ROR1: variants seen among roughly 807,000 people sequenced by gnomAD.
ROR1 encodes ROR family WNT receptor 1.
A neutral mutation model predicts 78.8 loss-of-function variants in ROR1; 19 were observed. The observed-to-expected ratio is 0.24, with a 90% confidence interval of 0.17 to 0.35. The LOEUF (loss-of-function observed/expected upper bound fraction) is 0.35, where lower values mean the gene tolerates loss of function less well. Ranked by LOEUF, ROR1 falls within the 10% of genes least tolerant of loss-of-function variation. The pLI is 1.00. For synonymous variants in ROR1, 386 were observed against 433.6 expected (o/e 0.89, Z 1.36); for missense variants, 917 against 1,177.8 (o/e 0.78, Z 3.24).
intron 7 of ROR1, among the ~76,000 whole-genome samples, chr1:64,158,067 C>T (rs544031749): frequency 6.6e-6 from 1 of 152,146 alleles, no homozygotes; most frequent in Non-Finnish European, 1.5e-5. Flanking sequence ...TCAAATAATT[C>T]ATTAATGACA....
intron 4 of ROR1, among the ~76,000 whole-genome samples, chr1:64,121,229 T>TCCTC (rs1248664974): frequency 1.2e-5 from 1 of 83,812 alleles, no homozygotes; most frequent in East Asian, 5.4e-4. Context: ...TTTCCTCCTT[T>TCCTC]CCTCCTTCCT....
chr1:63,924,476 G>GC (rs147221577), intron 1 of ROR1, among the ~76,000 whole-genome samples: 4,444 of 152,222 alleles, frequency 0.029, 228 homozygotes, highest in African/African-American at 0.1. Context: ...CCATGGACAG[G>GC]CCTGATGGGA....
At chr1:64,016,733 T>TTTTATATATATATATATATATATATATA (rs1553151714) in intron 2 of ROR1, among the ~76,000 whole-genome samples, 41 of 140,598 alleles carry the variant, frequency 2.9e-4, no homozygotes, top group African/African-American at 1.1e-3. Context: ...TAAAATATAA[T>TTTTATATATATATATATATATATATATA]TATATATATA....
intron 1 of ROR1, among the ~76,000 whole-genome samples, chr1:63,921,578 C>G (rs1645654782): frequency 6.6e-6 from 1 of 151,516 alleles, no homozygotes; most frequent in South Asian, 2.1e-4. Flanking sequence ...CCTTAAGGCC[C>G]AATGGCACGG....
intron 1 of ROR1, among the ~76,000 whole-genome samples, chr1:64,006,066 T>C (rs1426503274): frequency 1.3e-5 from 2 of 152,202 alleles, no homozygotes; most frequent in Non-Finnish European, 2.9e-5. Context: ...CATTTGTCAT[T>C]GGTCCCAAAT....
intron 1 of ROR1, among the ~76,000 whole-genome samples, chr1:64,007,419 C>T (rs1401261826): frequency 7.0e-6 from 1 of 142,924 alleles, no homozygotes; most frequent in Admixed American, 7.0e-5. Context: ...TAGACATAGC[C>T]TGAGGGGAGG....
intron 1 of ROR1, among the ~76,000 whole-genome samples, chr1:63,898,043 T>C (rs1021033241): frequency 1.3e-5 from 2 of 152,220 alleles, no homozygotes; most frequent in African/African-American, 4.8e-5. Context: ...TGTTGTCTGC[T>C]ACATTTAGAC....
At chr1:64,045,598 T>A (rs1646777450) in intron 2 of ROR1, among the ~76,000 whole-genome samples, 1 of 152,166 alleles carries the variant, frequency 6.6e-6, no homozygotes, top group African/African-American at 2.4e-5. Context: ...AAAATCTCAC[T>A]TCTACTTACT....
intron 1 of ROR1, among the ~76,000 whole-genome samples, chr1:63,814,496 T>C (rs1381706751): frequency 6.6e-6 from 1 of 152,050 alleles, no homozygotes; most frequent in Non-Finnish European, 1.5e-5. Flanking sequence ...ATTTCTGTTA[T>C]TATTATATTG....
intron 1 of ROR1, among the ~76,000 whole-genome samples, chr1:63,853,219 C>T (rs1019038313): frequency 3.3e-5 from 5 of 152,272 alleles, no homozygotes; most frequent in African/African-American, 1.2e-4. Flanking sequence ...TTTTTGAACT[C>T]CTGTGGTATG....
chr1:63,991,205 C>A (rs1161207280), intron 1 of ROR1, among the ~76,000 whole-genome samples: 1 of 152,090 alleles, frequency 6.6e-6, no homozygotes, highest in South Asian at 2.1e-4. Flanking sequence ...TCTGACTTGG[C>A]CTCCCAAAGT....
chr1:63,841,350 C>T (rs1297432990), intron 1 of ROR1, among the ~76,000 whole-genome samples: 1 of 152,192 alleles, frequency 6.6e-6, no homozygotes, highest in Non-Finnish European at 1.5e-5. Flanking sequence ...AGATCCCTTA[C>T]AGATTTCAGC....
chr1:63,888,079 C>T (rs1012300432), intron 1 of ROR1, among the ~76,000 whole-genome samples: 7 of 152,100 alleles, frequency 4.6e-5, no homozygotes, highest in African/African-American at 1.7e-4. Flanking sequence ...CTATGAGAGA[C>T]GGACTCTTGT....
At chr1:64,157,288 C>A (rs576159745) in intron 7 of ROR1, among the ~76,000 whole-genome samples, 1 of 152,068 alleles carries the variant, frequency 6.6e-6, no homozygotes, top group Non-Finnish European at 1.5e-5. Flanking sequence ...CAGACATGCA[C>A]CACCATGCCT....
intron 2 of ROR1, among the ~76,000 whole-genome samples, chr1:64,013,337 G>A (rs867137137): frequency 6.6e-6 from 1 of 152,090 alleles, no homozygotes; most frequent in Non-Finnish European, 1.5e-5. Context: ...TCATACAAGT[G>A]ACATACTTCT....
At chr1:63,925,105 T>C (rs1645690500) in intron 1 of ROR1, among the ~76,000 whole-genome samples, 1 of 150,718 alleles carries the variant, frequency 6.6e-6, no homozygotes, top group Non-Finnish European at 1.5e-5. Context: ...GCTGGTGCGC[T>C]GCACCCACTA....
intron 7 of ROR1, among the ~76,000 whole-genome samples, chr1:64,155,889 A>G (rs1649755682): frequency 6.6e-6 from 1 of 152,212 alleles, no homozygotes; most frequent in Non-Finnish European, 1.5e-5. Context: ...ATAACATCCA[A>G]CAACTGTATG....
intron 1 of ROR1, among the ~76,000 whole-genome samples, chr1:63,818,674 C>T (rs1037639622): frequency 6.6e-6 from 1 of 152,044 alleles, no homozygotes. Context: ...GGCATTTTTC[C>T]CCTCCCCTAG....
At chr1:64,126,697 G>A (rs11581071) in intron 4 of ROR1, among the ~76,000 whole-genome samples, 14,159 of 152,180 alleles carry the variant, frequency 0.093, 821 homozygotes, top group Non-Finnish European at 0.13. Context: ...TTTCCAGTCC[G>A]GTGACTTTTC....
Sources: allele counts gnomAD v4.1 joint callset (sites outside exome capture counted in the v4.1 genomes callset), GRCh38; gene constraint gnomAD v4.1.1; transcripts MANE v1.5; gene names NCBI Gene and HGNC (gene_info 2026-07-23, HGNC 2026-07-21).